REDIC1: variants seen among roughly 807,000 people sequenced by gnomAD.
REDIC1 encodes HEI10 Interacting Protein 1.
chr12:39,879,996 G>A, the REDIC1 span, among the ~76,000 whole-genome samples: 1 of 152,054 alleles, frequency 6.6e-6, no homozygotes, highest in Non-Finnish European at 1.5e-5. Context: ...ATGATAGTGA[G>A]TTCATACAAG....
the REDIC1 span, among the ~76,000 whole-genome samples, chr12:39,718,243 T>C: frequency 1.3e-5 from 2 of 152,078 alleles, no homozygotes; most frequent in Non-Finnish European, 2.9e-5. Flanking sequence ...ACCTTAAAGG[T>C]CACTGTGACT....
chr12:39,691,570 G>A, the REDIC1 span, among the ~76,000 whole-genome samples: 227 of 152,146 alleles, frequency 1.5e-3, no homozygotes, highest in Admixed American at 7.2e-4. Flanking sequence ...CTTTGTTAGA[G>A]AAAGGAAATG....
At chr12:39,721,156 T>C in the REDIC1 span, 3 of 1,613,668 alleles carry the variant, frequency 1.9e-6, no homozygotes, top group Non-Finnish European at 2.5e-6. Flanking sequence ...AAAATGTACA[T>C]GTAGAAGTGA....
chr12:39,725,910 G>C, the REDIC1 span, among the ~76,000 whole-genome samples: 1 of 151,940 alleles, frequency 6.6e-6, no homozygotes, highest in African/African-American at 2.4e-5. Flanking sequence ...GTATTATGTG[G>C]TTCAGTTCTG....
At chr12:39,828,152 C>T in the REDIC1 span, among the ~76,000 whole-genome samples, 208 of 152,194 alleles carry the variant, frequency 1.4e-3, 1 homozygote, top group Non-Finnish European at 1.7e-3. Flanking sequence ...TGAACACATC[C>T]TGCCTTTTTG....
the REDIC1 span, among the ~76,000 whole-genome samples, chr12:39,628,838 C>T: frequency 2.0e-3 from 310 of 152,204 alleles, 1 homozygote; most frequent in Admixed American, 0.019. Flanking sequence ...CTTGAAAATG[C>T]TATGATTTAT....
chr12:39,890,141 G>T, the REDIC1 span, among the ~76,000 whole-genome samples: 1 of 151,652 alleles, frequency 6.6e-6, no homozygotes, highest in Non-Finnish European at 1.5e-5. Flanking sequence ...CAATTACTAG[G>T]TATATATTAA....
the REDIC1 span, among the ~76,000 whole-genome samples, chr12:39,750,924 A>T: frequency 6.6e-6 from 1 of 152,210 alleles, no homozygotes; most frequent in Non-Finnish European, 1.5e-5. Flanking sequence ...AGATGGATTA[A>T]AGACTTACAT....
At chr12:39,749,510 A>T in the REDIC1 span, among the ~76,000 whole-genome samples, 1 of 152,220 alleles carries the variant, frequency 6.6e-6, no homozygotes, top group African/African-American at 2.4e-5. Context: ...AGCTGGTACC[A>T]TTCCTTCTGA....
the REDIC1 span, among the ~76,000 whole-genome samples, chr12:39,791,192 CTCAATAA>C: frequency 6.6e-6 from 1 of 151,452 alleles, no homozygotes; most frequent in African/African-American, 2.4e-5. Context: ...GCTAAAAACT[CTCAATAA>C]ATTAGGTATT....
At chr12:39,856,367 ATTTAT>A in the REDIC1 span, among the ~76,000 whole-genome samples, 2 of 151,972 alleles carry the variant, frequency 1.3e-5, no homozygotes, top group African/African-American at 2.4e-5. Flanking sequence ...GCTTTATTTT[ATTTAT>A]TTTATTTTAT....
At chr12:39,659,160 A>G in the REDIC1 span, among the ~76,000 whole-genome samples, 8 of 151,890 alleles carry the variant, frequency 5.3e-5, no homozygotes, top group African/African-American at 1.9e-4. Flanking sequence ...GTAGTTTCCA[A>G]CTAGAAGTTT....
the REDIC1 span, among the ~76,000 whole-genome samples, chr12:39,698,037 TAGAC>T: frequency 9.2e-5 from 14 of 151,522 alleles, no homozygotes; most frequent in Non-Finnish European, 1.9e-4. Context: ...AAGACACAAA[TAGAC>T]AGAAAATAAA....
chr12:39,828,080 T>TTA, the REDIC1 span, among the ~76,000 whole-genome samples: 2 of 152,076 alleles, frequency 1.3e-5, no homozygotes, highest in African/African-American at 4.8e-5. Flanking sequence ...AAAAATACTA[T>TTA]TATATATACT....
At chr12:39,779,612 T>C in the REDIC1 span, among the ~76,000 whole-genome samples, 4 of 152,254 alleles carry the variant, frequency 2.6e-5, no homozygotes, top group African/African-American at 9.6e-5. Flanking sequence ...TGATCTTTTG[T>C]CATCTGACAA....
At chr12:39,898,829 A>G in the REDIC1 span, among the ~76,000 whole-genome samples, 1 of 152,150 alleles carries the variant, frequency 6.6e-6, no homozygotes, top group African/African-American at 2.4e-5. Flanking sequence ...GTAACTTCAC[A>G]CATTTTGGAT....
At chr12:39,666,229 A>G in the REDIC1 span, among the ~76,000 whole-genome samples, 50 of 152,286 alleles carry the variant, frequency 3.3e-4, no homozygotes, top group African/African-American at 1.1e-3. Context: ...TATTATTTTG[A>G]AATATGTCCC....
the REDIC1 span, among the ~76,000 whole-genome samples, chr12:39,805,415 G>A: frequency 1.3e-5 from 2 of 152,208 alleles, no homozygotes; most frequent in South Asian, 2.1e-4. Flanking sequence ...GTGTAAGGAA[G>A]TGGGAATCTG....
the REDIC1 span, among the ~76,000 whole-genome samples, chr12:39,748,285 T>A: frequency 6.6e-6 from 1 of 152,080 alleles, no homozygotes; most frequent in Non-Finnish European, 1.5e-5. Context: ...TAGTCTCTGA[T>A]AAAACACACT....
Sources: allele counts gnomAD v4.1 joint callset (sites outside exome capture counted in the v4.1 genomes callset), GRCh38; gene constraint gnomAD v4.1.1; transcripts MANE v1.5; gene names NCBI Gene and HGNC (gene_info 2026-07-23, HGNC 2026-07-21).